ATG10: variants seen among roughly 807,000 people sequenced by gnomAD.
The protein encoded by ATG10 is autophagy related 10, also known as ubiquitin-like-conjugating enzyme ATG10.
ATG10 carries 30 observed loss-of-function variants against 32.1 expected under a neutral mutation model. That is an observed-to-expected ratio of 0.94 (90% confidence interval 0.70 to 1.27). The LOEUF is 1.27. Ranked by LOEUF, ATG10 falls within the 50% of genes most tolerant of loss-of-function variation. ATG10 has a pLI of 0.00. For synonymous variants in ATG10, 87 were observed against 91.5 expected, an observed-to-expected ratio of 0.95 and a Z score of 0.28; for missense variants, 233 against 262.3, an observed-to-expected ratio of 0.89 and a Z score of 0.77.
intron 3 of ATG10, among the ~76,000 whole-genome samples, chr5:82,102,628 T>C (rs1765317856): frequency 6.6e-6 from 1 of 152,164 alleles, no homozygotes; most frequent in Non-Finnish European, 1.5e-5. Flanking sequence ...CACTGTTGAG[T>C]TGGGCTCTTT....
intron 3 of ATG10, among the ~76,000 whole-genome samples, chr5:82,062,656 A>G (rs1168756691): frequency 1.3e-5 from 2 of 152,196 alleles, no homozygotes; most frequent in Non-Finnish European, 2.9e-5. Flanking sequence ...GCAGGAAGAG[A>G]GCAGAGAATG....
chr5:82,202,071 G>T (rs551845785), intron 5 of ATG10, among the ~76,000 whole-genome samples: 58 of 152,250 alleles, frequency 3.8e-4, no homozygotes, highest in Non-Finnish European at 1.5e-4. Context: ...ATTGAAGACA[G>T]TTTTGCTTCT....
intron 5 of ATG10, among the ~76,000 whole-genome samples, chr5:82,239,519 C>A (rs535234694): frequency 6.6e-6 from 1 of 152,168 alleles, no homozygotes; most frequent in East Asian, 1.9e-4. Context: ...ACAGTGGGAA[C>A]ATAGATGGAG....
chr5:82,156,383 T>G (rs1767800192), intron 3 of ATG10, among the ~76,000 whole-genome samples: 1 of 152,084 alleles, frequency 6.6e-6, no homozygotes, highest in African/African-American at 2.4e-5. Flanking sequence ...CCAGAACTCC[T>G]GGATTAGAAT....
At chr5:81,986,026 A>G (rs886325013) in intron 1 of ATG10, among the ~76,000 whole-genome samples, 9 of 151,240 alleles carry the variant, frequency 6.0e-5, no homozygotes, top group African/African-American at 2.2e-4. Context: ...GCCTCCCCAA[A>G]GTGCTGGGAT....
chr5:82,207,823 C>A (rs1745354564), intron 5 of ATG10, among the ~76,000 whole-genome samples: 1 of 152,098 alleles, frequency 6.6e-6, no homozygotes, highest in Non-Finnish European at 1.5e-5. Context: ...CTGCTGAGCC[C>A]TGGAAATGTG....
intron 1 of ATG10, among the ~76,000 whole-genome samples, chr5:81,986,166 C>T (rs1395818359): frequency 1.3e-5 from 2 of 152,076 alleles, no homozygotes; most frequent in Non-Finnish European, 2.9e-5. Flanking sequence ...CCTCAGCCTC[C>T]CAAAGTGCTG....
chr5:81,998,059 A>T (rs1761720951), intron 2 of ATG10, among the ~76,000 whole-genome samples: 1 of 152,148 alleles, frequency 6.6e-6, no homozygotes, highest in Admixed American at 6.5e-5. Context: ...AATACTACAC[A>T]AGAACACCAT....
intron 2 of ATG10, among the ~76,000 whole-genome samples, chr5:81,996,993 G>A (rs1057424435): frequency 3.9e-5 from 6 of 152,116 alleles, no homozygotes; most frequent in Admixed American, 2.6e-4. Context: ...TGCCAGTCTC[G>A]TGTCTGCCAG....
At chr5:82,115,409 C>G (rs1561305858) in intron 3 of ATG10, among the ~76,000 whole-genome samples, 1 of 151,958 alleles carries the variant, frequency 6.6e-6, no homozygotes. Flanking sequence ...GGCCAATGTT[C>G]ACAGTTTTTG....
intron 3 of ATG10, among the ~76,000 whole-genome samples, chr5:82,139,647 A>T (rs1222655270): frequency 7.8e-6 from 1 of 127,470 alleles, no homozygotes; most frequent in South Asian, 2.7e-4. Flanking sequence ...TCCGCCCAGC[A>T]GCCACCCCAT....
intron 3 of ATG10, among the ~76,000 whole-genome samples, chr5:82,109,164 G>C (rs896163231): frequency 1.3e-5 from 2 of 152,074 alleles, no homozygotes; most frequent in Non-Finnish European, 1.5e-5. Flanking sequence ...ACAGAGATGA[G>C]AGTGGTCAGG....
intron 2 of ATG10, among the ~76,000 whole-genome samples, chr5:82,036,469 C>T (rs1762926132): frequency 6.6e-6 from 1 of 152,088 alleles, no homozygotes; most frequent in South Asian, 2.1e-4. Context: ...TGGCAGGCAC[C>T]TGTAATCCCA....
intron 5 of ATG10, among the ~76,000 whole-genome samples, chr5:82,180,191 G>A (rs1174694262): frequency 6.6e-6 from 1 of 152,164 alleles, no homozygotes; most frequent in African/African-American, 2.4e-5. Context: ...GTTCCAACCT[G>A]CTCTTCTAGG....
At chr5:82,168,932 G>A (rs1372187640) in intron 4 of ATG10, among the ~76,000 whole-genome samples, 2 of 152,124 alleles carry the variant, frequency 1.3e-5, no homozygotes, top group African/African-American at 4.8e-5. Flanking sequence ...AATAAAAGTA[G>A]AATATCCATA....
intron 2 of ATG10, among the ~76,000 whole-genome samples, chr5:82,017,346 G>A (rs908755658): frequency 1.3e-5 from 2 of 152,088 alleles, no homozygotes; most frequent in African/African-American, 4.8e-5. Context: ...AATGTCCTTA[G>A]CAAACAGTGA....
chr5:82,143,218 T>A (rs919406763), intron 3 of ATG10, among the ~76,000 whole-genome samples: 1 of 152,232 alleles, frequency 6.6e-6, no homozygotes. Context: ...TTAGAACATC[T>A]ATGCCAAAGT....
At chr5:81,974,896 C>T (rs539277137) in intron 1 of ATG10, among the ~76,000 whole-genome samples, 23 of 152,164 alleles carry the variant, frequency 1.5e-4, no homozygotes, top group Non-Finnish European at 2.9e-4. Flanking sequence ...CAATCTGTTC[C>T]AAGGTTCACT....
chr5:81,979,689 C>CTT (rs35202555), intron 1 of ATG10, among the ~76,000 whole-genome samples: 101 of 123,800 alleles, frequency 8.2e-4, no homozygotes, highest in Non-Finnish European at 1.2e-3. Flanking sequence ...GTAGGTAAAC[C>CTT]TTTTTTTTTT....
Sources: gnomAD v4.1 joint callset for allele counts (sites outside exome capture counted in the v4.1 genomes callset) on GRCh38, gnomAD v4.1.1 for gene constraint, MANE v1.5 for transcripts, NCBI Gene and HGNC (gene_info 2026-07-23, HGNC 2026-07-21) for gene names.